The following PCLO variants were observed in gnomAD, a reference collection of about 807,000 sequenced individuals.
PCLO encodes the protein piccolo presynaptic cytomatrix protein.
Under a neutral mutation model 427.5 loss-of-function variants are expected in PCLO, and 82 were observed. That is an observed-to-expected ratio of 0.19 (90% CI 0.16 to 0.23). PCLO has a LOEUF of 0.23. PCLO is among the 10% of genes least tolerant of loss of function. PCLO has a pLI of 1.00. For synonymous variants in PCLO, 2,357 were observed against 2,155.4 expected (o/e 1.09, Z -2.59); for missense variants, 6,239 against 6,115.9 (o/e 1.02, Z -0.67).
At chr7:83,095,126 T>A (rs868099809) in intron 3 of PCLO, among the ~76,000 whole-genome samples, 13 of 152,274 alleles carry the variant, frequency 8.5e-5, no homozygotes, top group African/African-American at 2.9e-4. Context: ...AAATTTTAAA[T>A]TCAATTCTGT....
chr7:82,798,732 C>G (rs1019688727), intron 22 of PCLO, among the ~76,000 whole-genome samples: 2 of 152,262 alleles, frequency 1.3e-5, no homozygotes, highest in South Asian at 4.1e-4. Context: ...ATGCCCAATT[C>G]ATATAGATAC....
At position 82,952,630 on chromosome 7, in the gene PCLO, T is replaced by C; in HGVS notation, c.8323A>G (p.Ile2775Val). 4 of 1,613,942 alleles carry C rather than the reference T, an allele frequency of 2.5e-6. No homozygotes were observed. In the South Asian group the frequency reaches 4.4e-5, roughly 18 times the overall value. Reference protein sequence around the residue: ...GKQISAVQPSIINLSVTSSIV... With the variant: ...GKQISAVQPSVINLSVTSSIV... ...GATGATGTCACACTAAGATTTATAA[T>C]AGAGGGTTGGACAGCACTAATTTGT... The change falls in exon 5 of 25, where the codon ATT becomes GTT. Residue 2775 changes from isoleucine to valine, a missense_variant. This residue lies in a region of PCLO where 4,677 missense variants were observed against 4,468.4 expected (regional missense o/e 1.05). Transcript: ENST00000333891.
chr7:82,758,501 A>T lies in PCLO; in HGVS notation c.*74T>A. The T allele has an allele frequency of 7.6e-7, 1 of 1,309,532 alleles. No homozygotes were observed. Among genetic ancestry groups the T allele is most frequent in the Non-Finnish European group, 1.1e-6 (1 of 948,686 alleles). The allele number at this position is 1,309,532 out of a possible 1,614,324, so 81.1% of individuals were successfully genotyped here. A position where few individuals can be genotyped will look rare whatever the true frequency, so the allele number is the denominator to read the frequency against. On this transcript the variant is annotated 3_prime_UTR_variant, in exon 25 of 25. Coordinates refer to ENST00000333891, the MANE Select transcript of PCLO (RefSeq NM_033026.6). ...TTTGCCTCTCAAAACTTAGCTTTGT[A>T]CAATAGTATTCAACTATAGTCTTGA...
chr7:82,943,979 T>G (rs1033000755), intron 6 of PCLO, among the ~76,000 whole-genome samples: 1 of 151,250 alleles, frequency 6.6e-6, no homozygotes, highest in Non-Finnish European at 1.5e-5. Context: ...CCAACATCTC[T>G]ACTAAAAAGC....
At chr7:83,068,755 C>T (rs1789733934) in intron 3 of PCLO, among the ~76,000 whole-genome samples, 1 of 152,138 alleles carries the variant, frequency 6.6e-6, no homozygotes, top group African/African-American at 2.4e-5. Flanking sequence ...CCACATAATA[C>T]AGCAATTCCA....
chr7:82,893,415 C>G (rs1793821310), intron 9 of PCLO, among the ~76,000 whole-genome samples: 1 of 151,760 alleles, frequency 6.6e-6, no homozygotes, highest in South Asian at 2.1e-4. Context: ...ACACACTGGG[C>G]CCTGTTGTGG....
At chr7:83,041,075 G>A (rs1788962292) in intron 3 of PCLO, among the ~76,000 whole-genome samples, 3 of 152,124 alleles carry the variant, frequency 2.0e-5, no homozygotes, top group African/African-American at 7.2e-5. Flanking sequence ...AATTATAATT[G>A]TGGAGTTTAT....
intron 3 of PCLO, among the ~76,000 whole-genome samples, chr7:83,112,873 A>C (rs1193909206): frequency 6.6e-6 from 1 of 152,166 alleles, no homozygotes; most frequent in African/African-American, 2.4e-5. Context: ...AACTATAGAA[A>C]ATAATCTGAA....
chr7:83,060,435 G>A (rs1203999417), intron 3 of PCLO, among the ~76,000 whole-genome samples: 1 of 152,072 alleles, frequency 6.6e-6, no homozygotes, highest in South Asian at 2.1e-4. Context: ...ACCAGACAAG[G>A]GCTAGAGACC....
chr7:82,856,454 T>C (rs1792808667), intron 10 of PCLO, among the ~76,000 whole-genome samples: 1 of 152,138 alleles, frequency 6.6e-6, no homozygotes. Context: ...TTGGTATAGA[T>C]GCCAAAAGCC....
intron 10 of PCLO, chr7:82,848,917 C>T (rs1453913198): frequency 1.2e-5 from 5 of 417,224 alleles, no homozygotes; most frequent in Admixed American, 5.1e-5. Context: ...TTCAACAATC[C>T]CAGGCTGTTG....
intron 3 of PCLO, among the ~76,000 whole-genome samples, chr7:82,997,645 T>C (rs945400591): frequency 2.6e-5 from 4 of 151,976 alleles, no homozygotes; most frequent in Non-Finnish European, 4.4e-5. Flanking sequence ...AGATCACTTA[T>C]AGGTCAGCCA....
At position 82,754,605 on chromosome 7, in the gene PCLO, A is replaced by G. The variant is rs1430462165; in HGVS notation, c.*3970T>C. 2 of 152,144 alleles carry G rather than the reference A, an allele frequency of 1.3e-5. No individual in the cohort carries two copies. The highest frequency in any genetic ancestry group is 2.9e-5 in the Non-Finnish European group (2 of 67,968). 9.4% of individuals were successfully genotyped at this position (152,144 alleles called of 1,614,324 possible). ...TACTTATGTACAAGGTAATGCATTAAGAAAATGCTCTCAATCTACCTATCA... is the reference window on the plus strand; with the variant it reads ...TACTTATGTACAAGGTAATGCATTAGGAAAATGCTCTCAATCTACCTATCA... On this transcript the variant is annotated 3_prime_UTR_variant, in exon 25 of 25. Coordinates refer to ENST00000333891, the MANE Select transcript of PCLO (RefSeq NM_033026.6).
At chr7:82,972,766 A>C (rs1261077763) in intron 3 of PCLO, among the ~76,000 whole-genome samples, 1 of 152,058 alleles carries the variant, frequency 6.6e-6, no homozygotes, top group Non-Finnish European at 1.5e-5. Context: ...TTTTGACTCA[A>C]CACAAATTTT....
chr7:82,976,085 A>G (rs1796012434), intron 3 of PCLO, among the ~76,000 whole-genome samples: 1 of 152,180 alleles, frequency 6.6e-6, no homozygotes, highest in Non-Finnish European at 1.5e-5. Flanking sequence ...AGTAGAAGCA[A>G]AGCAGTAGCC....
chr7:82,967,101 T>G (rs1795793450), intron 3 of PCLO, among the ~76,000 whole-genome samples: 1 of 152,070 alleles, frequency 6.6e-6, no homozygotes, highest in Non-Finnish European at 1.5e-5. Context: ...CATTACCTCA[T>G]GCAGTTGAAT....
chr7:82,905,546 G>A (rs944074159), intron 8 of PCLO, among the ~76,000 whole-genome samples: 8 of 152,090 alleles, frequency 5.3e-5, no homozygotes, highest in African/African-American at 1.7e-4. Flanking sequence ...AATACATGGG[G>A]CACCACTGGA....
chr7:82,880,299 G>A (rs1793474436), intron 9 of PCLO: 4 of 281,596 alleles, frequency 1.4e-5, no homozygotes, highest in South Asian at 6.4e-5. Context: ...AAAACATTAT[G>A]TGGCACATGA....
At chr7:82,809,418 A>G (rs17156710) in intron 20 of PCLO, among the ~76,000 whole-genome samples, 11,793 of 151,636 alleles carry the variant, frequency 0.078, 707 homozygotes, top group African/African-American at 0.17. Context: ...GTAAAGGCCT[A>G]GCTCAGAAAT....
Sources: allele counts gnomAD v4.1 joint callset (sites outside exome capture counted in the v4.1 genomes callset), GRCh38; gene constraint gnomAD v4.1.1; regional missense constraint gnomAD v4.1.1; transcripts MANE v1.5; gene names NCBI Gene and HGNC (gene_info 2026-07-23, HGNC 2026-07-21).